GLRA3: variants seen among roughly 807,000 people sequenced by gnomAD.
GLRA3 encodes glycine receptor subunit alpha-3.
In GLRA3, 44 loss-of-function variants were observed where a neutral mutation model predicts 60.4. The ratio of observed to expected loss-of-function variants is 0.73; its 90% CI spans 0.57 to 0.94. The LOEUF is 0.94. GLRA3 is among the 40% of genes least tolerant of loss of function. The pLI, the probability that GLRA3 is intolerant of heterozygous loss-of-function variation, is 0.00. For synonymous variants in GLRA3, 223 were observed against 192.9 expected, an observed-to-expected ratio of 1.16 and a Z score of -1.29; for missense variants, 508 against 564.6, an observed-to-expected ratio of 0.90 and a Z score of 1.02.
intron 2 of GLRA3, among the ~76,000 whole-genome samples, chr4:174,773,046 C>A (rs530074135): frequency 6.6e-6 from 1 of 152,118 alleles, no homozygotes; most frequent in African/African-American, 2.4e-5. Flanking sequence ...GTGTAGAGAA[C>A]GAAGCTCAGA....
At chr4:174,798,862 A>T (rs1338641507) in intron 1 of GLRA3, among the ~76,000 whole-genome samples, 1 of 152,130 alleles carries the variant, frequency 6.6e-6, no homozygotes, top group East Asian at 1.9e-4. Context: ...CGGAGCTTGC[A>T]GTGAGCCGAG....
chr4:174,772,315 T>A (rs12644776), intron 2 of GLRA3, among the ~76,000 whole-genome samples: 2 of 152,096 alleles, frequency 1.3e-5, no homozygotes, highest in African/African-American at 4.8e-5. Context: ...GGTGAAAAGT[T>A]GCCTGGCTTC....
rs113497079 is a variant in GLRA3 at position 174,713,839 on chromosome 4, T to C, written c.574+1649A>G. On this transcript the variant is annotated intron_variant, in intron 5 of 9. Transcript: ENST00000274093. ...CCACTCTGTATATGGCTTTTAATAGTTGATCTTCACTTTTCACTCCCTCTT... is the reference window on the plus strand; with the variant it reads ...CCACTCTGTATATGGCTTTTAATAGCTGATCTTCACTTTTCACTCCCTCTT... 7.2e-5 allele frequency: 11 copies of C among 152,340 alleles called. No individual in the cohort carries two copies. The East Asian group carries it at 1.2e-3, about 16-fold the overall frequency. The allele number at this position is 152,340 out of a possible 1,614,324, so 9.4% of individuals were successfully genotyped here. A position where few individuals can be genotyped will look rare whatever the true frequency, so the allele number is the denominator to read the frequency against.
chr4:174,768,884 C>T (rs757390451), intron 2 of GLRA3, among the ~76,000 whole-genome samples: 3 of 152,070 alleles, frequency 2.0e-5, no homozygotes, highest in Non-Finnish European at 2.9e-5. Context: ...TAAATAGAAA[C>T]GTAAAAATAT....
intron 2 of GLRA3, among the ~76,000 whole-genome samples, chr4:174,788,006 C>G (rs926564248): frequency 6.6e-6 from 1 of 151,936 alleles, no homozygotes; most frequent in Admixed American, 6.6e-5. Context: ...ATAGACAACA[C>G]TTTTTTAAAC....
At chr4:174,766,617 A>G (rs1738150911) in intron 3 of GLRA3, among the ~76,000 whole-genome samples, 1 of 152,106 alleles carries the variant, frequency 6.6e-6, no homozygotes, top group African/African-American at 2.4e-5. Context: ...TAAGTGGGGT[A>G]CAGAGTAAAC....
chr4:174,767,837 G>A (rs1254273320), intron 2 of GLRA3, among the ~76,000 whole-genome samples: 1 of 152,056 alleles, frequency 6.6e-6, no homozygotes, highest in Non-Finnish European at 1.5e-5. Context: ...AGCCCTATGT[G>A]CATATGTAAA....
intron 1 of GLRA3, among the ~76,000 whole-genome samples, chr4:174,792,334 T>C (rs28718215): frequency 0.014 from 2,145 of 152,162 alleles, 59 homozygotes; most frequent in African/African-American, 0.05. Flanking sequence ...GTCCATTTTC[T>C]GTTTTTTTTT....
intron 4 of GLRA3, among the ~76,000 whole-genome samples, chr4:174,721,708 T>C (rs1033362784): frequency 1.3e-5 from 2 of 151,532 alleles, no homozygotes; most frequent in African/African-American, 4.8e-5. Flanking sequence ...TATATATCTA[T>C]ATATCTAAGA....
rs1733316913 is a variant in GLRA3, at chr4:174,658,933, G to A, written c.1071+121C>T. ...AGTTTGGATTGGAAAAAAATGAAAG[G>A]AATATTATATCATTTCATCCCCAGT... On this transcript the variant is annotated intron_variant, in intron 8 of 9. Coordinates refer to ENST00000274093, the MANE Select transcript of GLRA3 (RefSeq NM_006529.4). 1.5e-5 allele frequency: 12 copies of A among 824,186 alleles called. No individual in the cohort carries two copies. The East Asian group carries it at 3.1e-4, about 21-fold the overall frequency. 51.1% of individuals were successfully genotyped at this position (824,186 alleles called of 1,614,324 possible).
At chr4:174,677,477 A>C (rs1351396189) in intron 6 of GLRA3, among the ~76,000 whole-genome samples, 185 bp from the exon 7 acceptor site, 1 of 151,762 alleles carries the variant, frequency 6.6e-6, no homozygotes, top group Non-Finnish European at 1.5e-5. Context: ...CTCCTGCCTC[A>C]GCCTCCCAAG....
intron 4 of GLRA3, among the ~76,000 whole-genome samples, chr4:174,720,316 C>G (rs1387879625): frequency 6.6e-6 from 1 of 152,086 alleles, no homozygotes; most frequent in Non-Finnish European, 1.5e-5. Context: ...TTTATGGATT[C>G]TGTAAAAAAA....
chr4:174,800,190 A>C (rs933134700), intron 1 of GLRA3, among the ~76,000 whole-genome samples: 7 of 152,142 alleles, frequency 4.6e-5, no homozygotes, highest in African/African-American at 1.7e-4. Context: ...AAAATGAAAG[A>C]TAGAGAATAG....
At chr4:174,799,011 G>A (rs17060890) in intron 1 of GLRA3, among the ~76,000 whole-genome samples, 23,946 of 152,072 alleles carry the variant, frequency 0.16, 2,115 homozygotes, top group African/African-American at 0.23. Flanking sequence ...CTTGATTCTT[G>A]TCACTGTCAG....
At chr4:174,775,768 C>T (rs1316977693) in intron 2 of GLRA3, among the ~76,000 whole-genome samples, 1 of 152,014 alleles carries the variant, frequency 6.6e-6, no homozygotes, top group East Asian at 1.9e-4. Flanking sequence ...TCAGATGACA[C>T]CTTGAAGCTT....
chr4:174,794,954 G>A (rs539996997), intron 1 of GLRA3, among the ~76,000 whole-genome samples: 54 of 151,782 alleles, frequency 3.6e-4, no homozygotes, highest in Middle Eastern at 3.4e-3. Context: ...TTTAACAGCC[G>A]TTATTGACAT....
chr4:174,792,454 G>A (rs1739390698), intron 1 of GLRA3, among the ~76,000 whole-genome samples: 1 of 152,062 alleles, frequency 6.6e-6, no homozygotes, highest in Non-Finnish European at 1.5e-5. Flanking sequence ...TAAGGTAACA[G>A]ACCTTACCTC....
chr4:174,761,166 CT>C (rs1344353562), intron 3 of GLRA3, among the ~76,000 whole-genome samples: 2 of 151,186 alleles, frequency 1.3e-5, no homozygotes, highest in East Asian at 1.9e-4. Flanking sequence ...ATGCCTGTAA[CT>C]TTTTTTTAAT....
rs1456367083 is a variant in GLRA3 at position 174,828,857 on chromosome 4, C to T, written c.-46G>A. 7 of 1,209,044 alleles carry T rather than the reference C, an allele frequency of 5.8e-6. No homozygotes were observed. Among genetic ancestry groups the T allele is most frequent in the East Asian group, 4.7e-5 (2 of 43,002 alleles). 74.9% of individuals were successfully genotyped at this position (1,209,044 alleles called of 1,614,324 possible). A position where few individuals can be genotyped will look rare whatever the true frequency, so the allele number is the denominator to read the frequency against. On this transcript the variant is annotated 5_prime_UTR_variant, in exon 1 of 10. An upstream start codon of the reference 5' UTR is lost. Coordinates refer to ENST00000274093, the MANE Select transcript of GLRA3 (RefSeq NM_006529.4). ...ATCCTGAAAATAGTCTTATCCAAGG[C>T]ATGGGGAACCAGAAAGACAGAATGA...
Sources: gnomAD v4.1 joint callset for allele counts (sites outside exome capture counted in the v4.1 genomes callset) on GRCh38, gnomAD v4.1.1 for gene constraint, MANE v1.5 for transcripts, NCBI Gene and HGNC (gene_info 2026-07-23, HGNC 2026-07-21) for gene names.